The following CLUAP1 variants were observed in gnomAD, a reference collection of about 807,000 sequenced individuals.
CLUAP1 encodes intraflagellar transport 38, also known as clusterin-associated protein 1.
Under a neutral mutation model 55.0 loss-of-function variants are expected in CLUAP1, and 50 were observed. The ratio of observed to expected loss-of-function variants is 0.91; its 90% CI spans 0.72 to 1.15. CLUAP1 has a LOEUF of 1.15. CLUAP1 is among the 50% of genes most tolerant of loss of function. The pLI, the probability that CLUAP1 is intolerant of heterozygous loss-of-function variation, is 0.00. For synonymous variants in CLUAP1, 195 were observed against 175.4 expected (o/e 1.11, Z -0.88); for missense variants, 530 against 507.6 (o/e 1.04, Z -0.42).
chr16:3,503,020 C>T (rs547172364), intron 1 of CLUAP1, among the ~76,000 whole-genome samples: 1 of 152,264 alleles, frequency 6.6e-6, no homozygotes, highest in Non-Finnish European at 1.5e-5. Flanking sequence ...CTTGCTCTGT[C>T]TCCCAGGCTG....
At chr16:3,501,200 C>T (rs1596379710) in intron 1 of CLUAP1, 111 bp downstream of exon 1, 3 of 1,166,658 alleles carry the variant, frequency 2.6e-6, no homozygotes, top group African/African-American at 1.5e-5. Flanking sequence ...CCGGAGGCTC[C>T]TTTCGGGCCT....
At chr16:3,524,618 A>AAAAG (rs1470499276) in intron 8 of CLUAP1, among the ~76,000 whole-genome samples, 1 of 151,314 alleles carries the variant, frequency 6.6e-6, no homozygotes, top group Admixed American at 6.6e-5. Flanking sequence ...AAAAAAAAAA[A>AAAAG]AAAGAAAGAG....
intron 4 of CLUAP1, among the ~76,000 whole-genome samples, chr16:3,511,952 CG>C (rs2037635150): frequency 6.6e-6 from 1 of 151,178 alleles, no homozygotes; most frequent in Non-Finnish European, 1.5e-5. Flanking sequence ...TTTGGGAGGC[CG>C]AGGTGGGTGG....
intron 3 of CLUAP1, among the ~76,000 whole-genome samples, chr16:3,507,806 G>A (rs534021867): frequency 6.6e-6 from 1 of 151,540 alleles, no homozygotes; most frequent in African/African-American, 2.4e-5. Context: ...AAGATGTTTA[G>A]CATCTTGCTT....
chr16:3,501,599 A>G (rs561944443), intron 1 of CLUAP1, among the ~76,000 whole-genome samples: 4 of 152,072 alleles, frequency 2.6e-5, no homozygotes, highest in Non-Finnish European at 5.9e-5. Flanking sequence ...CCTGACCAAC[A>G]TGGAGAAACC....
At chr16:3,503,676 A>C (rs770153461) in intron 1 of CLUAP1, among the ~76,000 whole-genome samples, 1 of 152,130 alleles carries the variant, frequency 6.6e-6, no homozygotes, top group Admixed American at 6.5e-5. Context: ...AGCTTACTGC[A>C]ACCTCCTGGG....
intron 3 of CLUAP1, among the ~76,000 whole-genome samples, chr16:3,507,477 T>C (rs920959378): frequency 1.3e-5 from 2 of 151,092 alleles, no homozygotes; most frequent in East Asian, 3.9e-4. Flanking sequence ...GGAGGATTGC[T>C]TGAGCCCGGG....
At chr16:3,532,964 G>T in intron 11 of CLUAP1, 123 bp downstream of exon 11, 1 of 1,367,436 alleles carries the variant, frequency 7.3e-7, no homozygotes, top group Non-Finnish European at 1.0e-6. Context: ...GCCGTGCCTC[G>T]ATGCGTGGCA....
At chr16:3,519,626 A>G (rs544825128) in intron 6 of CLUAP1, among the ~76,000 whole-genome samples, 2 of 152,230 alleles carry the variant, frequency 1.3e-5, no homozygotes, top group East Asian at 3.9e-4. Context: ...CTCCACCTTG[A>G]CCAGGACACT....
rs377209515 is a variant in CLUAP1 at position 3,508,378 on chromosome 16, C to T, written c.309C>T (p.Val103=). The part of the protein sequence containing the change: ...AVKELLKITS[V]LYNAMKTKGM... ...AAGAGCTGCTGAAGATCACATCTGT[C>T]CTTTATAATGCTATGAAGACCAAGG... Residue 103 remains valine, a synonymous_variant, in exon 4 of 12, where the codon GTC becomes GTT. Transcript: ENST00000576634. The T allele has an allele frequency of 2.5e-6, 4 of 1,607,166 alleles. No individual in the cohort carries two copies. The highest frequency in any genetic ancestry group is 1.1e-5 in the South Asian group (1 of 89,050).
At chr16:3,496,563 T>G, upstream of CLUAP1, 1 of 543,576 alleles carries the variant, frequency 1.8e-6, no homozygotes, top group East Asian at 4.9e-5. Flanking sequence ...GGGGCCAAGA[T>G]CCTGACTTTC....
intron 7 of CLUAP1, among the ~76,000 whole-genome samples, chr16:3,520,510 C>G (rs1242688599): frequency 1.3e-5 from 2 of 152,102 alleles, no homozygotes; most frequent in Admixed American, 6.5e-5. Context: ...CATGTGTTGC[C>G]TGTCATAACA....
chr16:3,505,241 C>A (rs958784756), intron 2 of CLUAP1, among the ~76,000 whole-genome samples: 2 of 152,030 alleles, frequency 1.3e-5, no homozygotes, highest in African/African-American at 4.8e-5. Flanking sequence ...TCTCAAAAAA[C>A]AAAATCAGGC....
At chr16:3,524,596 CAAAA>C (rs755040158) in intron 8 of CLUAP1, among the ~76,000 whole-genome samples, 845 of 34,188 alleles carry the variant, frequency 0.025, 8 homozygotes, top group African/African-American at 0.068. Context: ...GACACCATCT[CAAAA>C]AAAAAAAAAA....
At chr16:3,531,694 G>A (rs1165736652) in intron 10 of CLUAP1, among the ~76,000 whole-genome samples, 1 of 152,018 alleles carries the variant, frequency 6.6e-6, no homozygotes, top group Admixed American at 6.5e-5. Flanking sequence ...ATATACATAC[G>A]CACACACATA....
chr16:3,503,235 C>G (rs2037441652), intron 1 of CLUAP1, among the ~76,000 whole-genome samples: 1 of 152,078 alleles, frequency 6.6e-6, no homozygotes, highest in Non-Finnish European at 1.5e-5. Flanking sequence ...GCGATCTCGG[C>G]TCACTGCAAG....
At chr16:3,511,665 C>A (rs965034812) in intron 4 of CLUAP1, among the ~76,000 whole-genome samples, 1 of 152,202 alleles carries the variant, frequency 6.6e-6, no homozygotes, top group South Asian at 2.1e-4. Context: ...CGTCAGCTTT[C>A]TCCCAGCTAT....
Position 3,508,721 on chromosome 16 carries a change from CGT to C in CLUAP1, c.399+258_399+259del, listed in dbSNP as rs202170980. 6.9e-3 allele frequency among the ~76,000 whole-genome samples: 1,047 copies of C among 152,242 alleles called. 14 individuals carry two copies. Among genetic ancestry groups the C allele is most frequent in the African/African-American group, 0.023 (952 of 41,536 alleles). Reference sequence around the variant, plus strand: ...AGTTGTGAACAAAAAGGACAAAAATCGTGTGTTTATTCTCTTCAGTTAGGGGA... The same window carrying C: ...AGTTGTGAACAAAAAGGACAAAAATCGTGTTTATTCTCTTCAGTTAGGGGA... On this transcript the variant is annotated intron_variant, in intron 4 of 11. Transcript: ENST00000576634.
At chr16:3,496,221 CAAG>C (rs1877322235), upstream of CLUAP1, 2 of 598,774 alleles carry the variant, frequency 3.3e-6, no homozygotes, top group Non-Finnish European at 6.5e-6. Flanking sequence ...ACGTCCGCCA[CAAG>C]AAGGACCTAA....
Sources: allele counts gnomAD v4.1 joint callset (sites outside exome capture counted in the v4.1 genomes callset), GRCh38; gene constraint gnomAD v4.1.1; transcripts MANE v1.5; gene names NCBI Gene and HGNC (gene_info 2026-07-23, HGNC 2026-07-21).